MLLT3: variants seen among roughly 807,000 people sequenced by gnomAD.
MLLT3 encodes the protein protein AF-9.
MLLT3 carries 4 observed loss-of-function variants against 53.2 expected under a neutral mutation model. The ratio of observed to expected loss-of-function variants is 0.08; its 90% CI spans 0.04 to 0.17. MLLT3 has a LOEUF of 0.17. MLLT3 is among the 10% of genes least tolerant of loss of function. MLLT3 has a pLI of 1.00. For missense variants in MLLT3, 569 were observed against 684.0 expected (o/e 0.83, Z 1.87); for synonymous variants, 283 against 230.6 (o/e 1.23, Z -2.06).
chr9:20,554,526 A>G (rs1294483771), intron 2 of MLLT3, among the ~76,000 whole-genome samples: 2 of 152,196 alleles, frequency 1.3e-5, no homozygotes, highest in Non-Finnish European at 2.9e-5. Context: ...ATAAGATGCA[A>G]TAAGAAAGAA....
At chr9:20,389,620 A>G (rs747141258) in intron 5 of MLLT3, among the ~76,000 whole-genome samples, 1 of 152,072 alleles carries the variant, frequency 6.6e-6, no homozygotes, top group Admixed American at 6.6e-5. Context: ...ACAAAAATTA[A>G]AACAAAAAAA....
At chr9:20,508,605 A>G (rs1825443303) in intron 2 of MLLT3, among the ~76,000 whole-genome samples, 1 of 152,218 alleles carries the variant, frequency 6.6e-6, no homozygotes, top group African/African-American at 2.4e-5. Flanking sequence ...AGAACAAACC[A>G]CTGCTTTACA....
chr9:20,409,735 C>T (rs1356376445), intron 5 of MLLT3, among the ~76,000 whole-genome samples: 6 of 152,172 alleles, frequency 3.9e-5, no homozygotes, highest in Non-Finnish European at 7.4e-5. Context: ...TTATCCAAGC[C>T]CCTACCAAAT....
chr9:20,524,759 C>A (rs1461481588), intron 2 of MLLT3, among the ~76,000 whole-genome samples: 3 of 152,198 alleles, frequency 2.0e-5, no homozygotes, highest in Non-Finnish European at 4.4e-5. Flanking sequence ...CAGCAAATCT[C>A]TGAATGAGGT....
At chr9:20,527,653 G>A (rs1818237365) in intron 2 of MLLT3, among the ~76,000 whole-genome samples, 1 of 152,152 alleles carries the variant, frequency 6.6e-6, no homozygotes, top group African/African-American at 2.4e-5. Flanking sequence ...CACTATGGTA[G>A]CTCCTGGGAA....
chr9:20,455,373 G>A (rs1586961397), intron 3 of MLLT3, among the ~76,000 whole-genome samples: 1 of 152,228 alleles, frequency 6.6e-6, no homozygotes, highest in East Asian at 1.9e-4. Context: ...AAAGGCCAGT[G>A]TGACACTGTT....
chr9:20,621,672 C>A lies in MLLT3; in HGVS notation c.12+573G>T. On this transcript the variant is annotated intron_variant, in intron 1 of 10. Coordinates refer to ENST00000380338, the MANE Select transcript of MLLT3 (RefSeq NM_004529.4). The surrounding 1 kb of genome is among the most constrained non-coding windows in gnomAD (Gnocchi z 7.0). Reference sequence around the variant, plus strand: ...GGCGGACAGCCGCCGAGCCTCGGCTCGCGCTCAGCACCTCCCGGCGCTGGG... The same window carrying A: ...GGCGGACAGCCGCCGAGCCTCGGCTAGCGCTCAGCACCTCCCGGCGCTGGG... The A allele has an allele frequency of 8.3e-7, 1 of 1,207,242 alleles. No homozygotes were observed. Among genetic ancestry groups the A allele is most frequent in the Non-Finnish European group, 1.1e-6 (1 of 899,314 alleles). 74.8% of individuals were successfully genotyped at this position (1,207,242 alleles called of 1,614,324 possible).
chr9:20,481,916 A>T (rs1369196292), intron 2 of MLLT3, among the ~76,000 whole-genome samples: 7 of 152,210 alleles, frequency 4.6e-5, no homozygotes, highest in Non-Finnish European at 1.5e-5. Context: ...GGCTAAGACC[A>T]CACTAGTGGT....
intron 7 of MLLT3, among the ~76,000 whole-genome samples, chr9:20,361,780 C>T (rs1407046645): frequency 2.6e-5 from 4 of 152,022 alleles, no homozygotes; most frequent in East Asian, 1.9e-4. Context: ...GTCCTCTTTC[C>T]GTATTTGCTC....
chr9:20,438,559 T>C (rs1285591093), intron 4 of MLLT3, among the ~76,000 whole-genome samples: 3 of 152,110 alleles, frequency 2.0e-5, no homozygotes, highest in African/African-American at 7.2e-5. Flanking sequence ...GCTAGGACTA[T>C]AGAGGTTTGT....
At chr9:20,474,078 G>C (rs1250782605) in intron 2 of MLLT3, among the ~76,000 whole-genome samples, 1 of 152,090 alleles carries the variant, frequency 6.6e-6, no homozygotes, top group Non-Finnish European at 1.5e-5. Flanking sequence ...AGCTGCTTTT[G>C]ATTTCCAAGT....
At chr9:20,390,095 G>C (rs968223061) in intron 5 of MLLT3, among the ~76,000 whole-genome samples, 1 of 152,090 alleles carries the variant, frequency 6.6e-6, no homozygotes, top group Non-Finnish European at 1.5e-5. Context: ...TGAGTATGGC[G>C]GCAATCTTTC....
intron 5 of MLLT3, among the ~76,000 whole-genome samples, chr9:20,412,964 C>CA: frequency 6.6e-6 from 1 of 152,194 alleles, no homozygotes; most frequent in Non-Finnish European, 1.5e-5. Flanking sequence ...ACCCCAATAT[C>CA]AAAAAACACC....
At chr9:20,576,418 T>G (rs1007837939) in intron 2 of MLLT3, among the ~76,000 whole-genome samples, 5 of 152,232 alleles carry the variant, frequency 3.3e-5, no homozygotes, top group African/African-American at 1.2e-4. Flanking sequence ...ACAAGAGATC[T>G]AGGTTTTGGC....
At chr9:20,495,890 T>G (rs758328611) in intron 2 of MLLT3, among the ~76,000 whole-genome samples, 1 of 152,194 alleles carries the variant, frequency 6.6e-6, no homozygotes, top group Non-Finnish European at 1.5e-5. Context: ...CGGCTCACAG[T>G]AGACAGTCAA....
Position 20,448,032 on chromosome 9 carries a change from T to A in MLLT3, c.420+91A>T. 2 of 1,423,020 alleles carry A rather than the reference T, an allele frequency of 1.4e-6. No individual in the cohort carries two copies. The highest frequency in any genetic ancestry group is 1.8e-4 in the Middle Eastern group (1 of 5,460). The allele number at this position is 1,423,020 out of a possible 1,614,324, so 88.1% of individuals were successfully genotyped here. A position where few individuals can be genotyped will look rare whatever the true frequency, so the allele number is the denominator to read the frequency against. On this transcript the variant is annotated intron_variant, in intron 4 of 10. Transcript: ENST00000380338. This position sits in a 1 kb window ranked among gnomAD's most constrained non-coding sequence, Gnocchi z 4.0. ...TTTACCTCTCCCAAAACCTTATACT[T>A]TTTAACACATGAGGAACTAGTTTGT...
At chr9:20,488,266 GCT>G (rs1314093647) in intron 2 of MLLT3, among the ~76,000 whole-genome samples, 6 of 152,000 alleles carry the variant, frequency 3.9e-5, no homozygotes, top group Non-Finnish European at 8.8e-5. Flanking sequence ...TAACAAAAAA[GCT>G]CTGAGGATGG....
rs749904467 is a variant in MLLT3, at chr9:20,342,373, C to A, written c.*4070G>T. On this transcript the variant is annotated 3_prime_UTR_variant, in exon 11 of 11. Transcript: ENST00000380338. ...ATCTTTCAACATAACTACACATACA[C>A]AGTCCATTAAAAAGATACTGACAGA... 2.7e-5 allele frequency: 6 copies of A among 224,146 alleles called. No individual in the cohort carries two copies. Among genetic ancestry groups the A allele is most frequent in the Admixed American group, 5.7e-5 (1 of 17,470 alleles). The allele number at this position is 224,146 out of a possible 1,614,324, so 13.9% of individuals were successfully genotyped here. A position where few individuals can be genotyped will look rare whatever the true frequency, so the allele number is the denominator to read the frequency against.
chr9:20,592,425 A>C (rs949817323), intron 2 of MLLT3, among the ~76,000 whole-genome samples: 3 of 152,186 alleles, frequency 2.0e-5, no homozygotes, highest in Non-Finnish European at 4.4e-5. Flanking sequence ...CTTGGCTTAC[A>C]GATGGCTATC....
Sources: allele counts gnomAD v4.1 joint callset (sites outside exome capture counted in the v4.1 genomes callset), GRCh38; gene constraint gnomAD v4.1.1; non-coding constraint Gnocchi (gnomAD v3.1); transcripts MANE v1.5; gene names NCBI Gene and HGNC (gene_info 2026-07-23, HGNC 2026-07-21).